Variants in LAMB1 observed in about 807,000 individuals in gnomAD.
The protein encoded by LAMB1 is laminin subunit beta 1, also known as laminin subunit beta-1.
A neutral mutation model predicts 222.3 loss-of-function variants in LAMB1; 121 were observed. The observed-to-expected ratio is 0.54, with a 90% CI of 0.47 to 0.63. The LOEUF (loss-of-function observed/expected upper bound fraction) is 0.63, where lower values mean the gene tolerates loss of function less well. Among genes scored for constraint, LAMB1 ranks in the 30% least tolerant of loss-of-function variants. The pLI, the probability that LAMB1 is intolerant of heterozygous loss-of-function variation, is 0.00. For missense variants in LAMB1, 2,172 were observed against 2,240.8 expected (o/e 0.97, Z 0.62); for synonymous variants, 794 against 807.2 (o/e 0.98, Z 0.28).
chr7:107,998,043 C>T (rs1487088364), intron 4 of LAMB1, among the ~76,000 whole-genome samples: 1 of 152,082 alleles, frequency 6.6e-6, no homozygotes, highest in Non-Finnish European at 1.5e-5. Flanking sequence ...GAATAAGGGC[C>T]TGAGATAGTA....
At chr7:107,997,813 G>A (rs2034308462) in intron 4 of LAMB1, among the ~76,000 whole-genome samples, 1 of 152,198 alleles carries the variant, frequency 6.6e-6, no homozygotes, top group Non-Finnish European at 1.5e-5. Flanking sequence ...GAAAAAGGGT[G>A]TAATTCATGC....
intron 27 of LAMB1, among the ~76,000 whole-genome samples, chr7:107,933,894 C>T (rs552312112): frequency 1.3e-5 from 2 of 152,142 alleles, no homozygotes; most frequent in Non-Finnish European, 2.9e-5. Flanking sequence ...ATCTCCCTGC[C>T]GCCCACGGAG....
At position 107,928,865 on chromosome 7, in the gene LAMB1, TGAA is replaced by T. The variant is rs58702049; in HGVS notation, c.4887+196_4887+198del. The stretch of plus-strand genomic sequence containing the variant: ...AGATGGGACGTAATGGTCCAGTGTC[TGAA>T]TCAGAGTCCTTTTATTCCTTGAAAA... On this transcript the variant is annotated intron_variant, in intron 31 of 33. Transcript: ENST00000222399. Among the ~76,000 whole-genome samples, 7,472 of 152,280 alleles carry T rather than the reference TGAA, an allele frequency of 0.049. 568 individuals are homozygous for T. The highest frequency in any genetic ancestry group is 0.17 in the African/African-American group (7,049 of 41,514).
At chr7:107,960,380 C>T (rs953857125) in intron 18 of LAMB1, 65 bp downstream of exon 18, 2 of 1,277,920 alleles carry the variant, frequency 1.6e-6, no homozygotes, top group Admixed American at 1.7e-5. Flanking sequence ...CTCCACTGTA[C>T]TTCATGTGCC....
intron 12 of LAMB1, among the ~76,000 whole-genome samples, chr7:107,974,667 T>C (rs184381305): frequency 1.2e-3 from 177 of 152,306 alleles, no homozygotes; most frequent in Non-Finnish European, 1.9e-3. Context: ...TACAAACCAA[T>C]ATGGATGCCC....
intron 2 of LAMB1, chr7:108,002,220 T>C: frequency 7.4e-7 from 1 of 1,344,062 alleles, no homozygotes; most frequent in Non-Finnish European, 9.8e-7. Context: ...CGAGAGTGCG[T>C]GTGCGTGCAC....
chr7:107,935,242 A>G, intron 27 of LAMB1, 173 bp downstream of exon 27: 1 of 916,802 alleles, frequency 1.1e-6, no homozygotes, highest in South Asian at 1.7e-5. Context: ...TCTTGGTTAC[A>G]GATACCCCAT....
At chr7:107,963,883 G>A (rs577981399) in intron 14 of LAMB1, among the ~76,000 whole-genome samples, 1 of 152,348 alleles carries the variant, frequency 6.6e-6, no homozygotes, top group South Asian at 2.1e-4. Flanking sequence ...CGGATCACCT[G>A]AGGTCGGGAG....
At chr7:107,992,424 T>C (rs1336831154) in intron 5 of LAMB1, among the ~76,000 whole-genome samples, 3 of 152,224 alleles carry the variant, frequency 2.0e-5, no homozygotes, top group Non-Finnish European at 4.4e-5. Context: ...CAATTTCCCA[T>C]AAGGCTTAAA....
rs11770141 is a variant in LAMB1, at chr7:107,975,061, C to G, written c.1407G>C (p.Gly469=). ...GACCTGTCTCGGAATCACAAGGATT[C>G]CCTCCAGGAATTGTTCCCAGAGGAT... ...ACNPLGTIPG[G]NPCDSETGHC... is the part of the protein sequence containing the mutation. Residue 469 remains glycine, a synonymous_variant, in exon 12 of 34, where the codon GGG becomes GGC. Transcript: ENST00000222399. The G allele has an allele frequency of 2.5e-6, 4 of 1,612,804 alleles. No individual in the cohort carries two copies. The African/African-American group carries it at 5.3e-5, about 22-fold the overall frequency.
At chr7:107,958,196 A>G (rs138544263) in intron 20 of LAMB1, among the ~76,000 whole-genome samples, 13 of 152,212 alleles carry the variant, frequency 8.5e-5, no homozygotes, top group South Asian at 4.1e-4. Context: ...AAAGAAAAAG[A>G]TGACCCCAAA....
chr7:107,975,311 T>A lies in LAMB1; in HGVS notation c.1292A>T (p.Asn431Ile). Residue 431 changes from asparagine (N) to isoleucine (I), a missense_variant, in exon 11 of 34, where the codon AAT becomes ATT. Asn to Ile is a moderately radical substitution (Grantham distance 149). Coordinates refer to ENST00000222399, the MANE Select transcript of LAMB1 (RefSeq NM_002291.3). ...LIAGQCRCKL[N>I]VEGEHCDVCK... ...AACATCACAATGTTCTCCTTCCACATTTAATTTACACCGACACTGGCCAGC... is the reference window on the plus strand; with the variant it reads ...AACATCACAATGTTCTCCTTCCACAATTAATTTACACCGACACTGGCCAGC... 6.2e-7 allele frequency: 1 copy of A among 1,614,098 alleles called. No individual in the cohort carries two copies. Among genetic ancestry groups the A allele is most frequent in the Non-Finnish European group, 8.5e-7 (1 of 1,179,946 alleles).
chr7:107,971,576 TC>T (rs963331235), intron 13 of LAMB1, among the ~76,000 whole-genome samples: 2 of 152,178 alleles, frequency 1.3e-5, no homozygotes, highest in African/African-American at 4.8e-5. Context: ...GTTCTTTTTT[TC>T]CCCTCCACCA....
chr7:107,962,935 C>T lies in LAMB1; in HGVS notation c.1827G>A (p.Glu609=), dbSNP rs891965126. ...GCTCGTAGCGAATTAGGATGTCGTA[C>T]TCCATGGAATATGGTATGTTGTCAA... ...FFIDNIPYSM[E]YDILIRYEPQ... The change falls in exon 15 of 34, where the codon GAG becomes GAA. Residue 609 remains glutamate (E), a synonymous_variant. Coordinates refer to ENST00000222399, the MANE Select transcript of LAMB1 (RefSeq NM_002291.3). The T allele has an allele frequency of 3.1e-6, 5 of 1,613,906 alleles. No individual in the cohort carries two copies. The highest frequency in any genetic ancestry group is 4.2e-6 in the Non-Finnish European group (5 of 1,179,902).
intron 5 of LAMB1, among the ~76,000 whole-genome samples, chr7:107,987,825 C>T (rs919153590): frequency 1.3e-5 from 2 of 152,150 alleles, no homozygotes; most frequent in African/African-American, 4.8e-5. Context: ...AAAAGGGCAA[C>T]AAGGTGTTTT....
Position 107,986,171 on chromosome 7 carries a change from A to AT in LAMB1, c.612+3_612+4insA. 1 of 1,613,690 alleles carries AT rather than the reference A, an allele frequency of 6.2e-7. No individual in the cohort carries two copies. Among genetic ancestry groups the AT allele is most frequent in the Non-Finnish European group, 8.5e-7 (1 of 1,179,576 alleles). On this transcript the variant is annotated splice_donor_region_variant and intron_variant, in intron 6 of 33. Transcript: ENST00000222399. ...TAGAATGTAAAACACAGAAGCAAACAAACCTCTCCTTCAGTTGAGGGTTCA... is the reference window on the plus strand; with the variant it reads ...TAGAATGTAAAACACAGAAGCAAACATAACCTCTCCTTCAGTTGAGGGTTCA...
At chr7:108,002,286 G>A (rs1225643749) in intron 2 of LAMB1, 2 of 1,317,466 alleles carry the variant, frequency 1.5e-6, no homozygotes, top group Non-Finnish European at 2.0e-6. Context: ...CGCGGTGGAC[G>A]CCGCTTTCCG....
At chr7:107,960,305 A>G (rs1230232044) in intron 18 of LAMB1, 140 bp downstream of exon 18, 6 of 627,442 alleles carry the variant, frequency 9.6e-6, no homozygotes, top group Non-Finnish European at 1.7e-5. Flanking sequence ...TAAAAAGATA[A>G]AGACAAACTG....
At chr7:107,979,352 A>C (rs928565852) in intron 8 of LAMB1, among the ~76,000 whole-genome samples, 37 of 152,340 alleles carry the variant, frequency 2.4e-4, no homozygotes, top group African/African-American at 8.7e-4. Flanking sequence ...GTACCTTCTA[A>C]GGACTAACAA....
Sources: gnomAD v4.1 joint callset for allele counts (sites outside exome capture counted in the v4.1 genomes callset) on GRCh38, gnomAD v4.1.1 for gene constraint, MANE v1.5 for transcripts, NCBI Gene and HGNC (gene_info 2026-07-23, HGNC 2026-07-21) for gene names.